KCNB2: variants seen among roughly 807,000 people sequenced by gnomAD.
The protein encoded by KCNB2 is delayed rectifier potassium channel protein.
KCNB2 carries 15 observed loss-of-function variants against 61.5 expected under a neutral mutation model. The observed-to-expected ratio is 0.24, with a 90% confidence interval of 0.16 to 0.38. The LOEUF is 0.38. Ranked by LOEUF, KCNB2 falls within the 10% of genes least tolerant of loss-of-function variation. The pLI is 1.00. For synonymous variants in KCNB2, 457 were observed against 446.0 expected (o/e 1.02, Z -0.31); for missense variants, 828 against 1,125.2 (o/e 0.74, Z 3.78).
chr8:72,739,921 C>T (rs952246289), intron 2 of KCNB2, among the ~76,000 whole-genome samples: 8 of 152,192 alleles, frequency 5.3e-5, no homozygotes, highest in African/African-American at 1.7e-4. Flanking sequence ...CAATACTGTA[C>T]ACAAAACAGA....
chr8:72,714,127 A>G (rs1807378007), intron 2 of KCNB2, among the ~76,000 whole-genome samples: 1 of 152,218 alleles, frequency 6.6e-6, no homozygotes, highest in South Asian at 2.1e-4. Context: ...ATGAAAAGGA[A>G]CAAACAAAGC....
intron 2 of KCNB2, among the ~76,000 whole-genome samples, chr8:72,870,941 C>T (rs1190619848): frequency 6.6e-6 from 1 of 152,174 alleles, no homozygotes; most frequent in Non-Finnish European, 1.5e-5. Context: ...CACGCCACTG[C>T]ACTCCAGCCT....
intron 1 of KCNB2, among the ~76,000 whole-genome samples, chr8:72,562,858 G>A (rs966445726): frequency 3.9e-5 from 6 of 151,942 alleles, no homozygotes; most frequent in Non-Finnish European, 8.8e-5. Context: ...CTTTAATTAC[G>A]GAAATTAAAA....
intron 2 of KCNB2, among the ~76,000 whole-genome samples, chr8:72,795,227 G>A (rs16938371): frequency 0.13 from 19,674 of 152,146 alleles, 1,578 homozygotes; most frequent in East Asian, 0.4. Flanking sequence ...TAGACAAATA[G>A]TGACTCAATA....
intron 2 of KCNB2, among the ~76,000 whole-genome samples, chr8:72,929,781 A>T (rs1806738266): frequency 1.3e-5 from 2 of 152,140 alleles, no homozygotes; most frequent in African/African-American, 4.8e-5. Flanking sequence ...CCGTATACAC[A>T]CATAATTGTT....
intron 2 of KCNB2, among the ~76,000 whole-genome samples, chr8:72,882,908 A>G (rs1805741230): frequency 6.6e-6 from 1 of 152,216 alleles, no homozygotes; most frequent in Non-Finnish European, 1.5e-5. Context: ...ATCTGATGAC[A>G]CAGCCTCATT....
At chr8:72,628,045 C>A (rs1805818651) in intron 2 of KCNB2, among the ~76,000 whole-genome samples, 1 of 152,090 alleles carries the variant, frequency 6.6e-6, no homozygotes, top group African/African-American at 2.4e-5. Context: ...CCTCCACCTC[C>A]CAGGTTCAAA....
At chr8:72,684,738 T>C (rs1191244155) in intron 2 of KCNB2, among the ~76,000 whole-genome samples, 1 of 152,174 alleles carries the variant, frequency 6.6e-6, no homozygotes, top group African/African-American at 2.4e-5. Context: ...AGACTATCAC[T>C]AGGAGGCTTA....
rs1810264452 is a variant in KCNB2 at position 72,859,706 on chromosome 8, C to CTTTTTTTTTTTTTTT, written c.580-76229_580-76228insTTTTTTTTTTTTTTT. ...TGTAGCATGGATCAGTACTTCATTT[C>CTTTTTTTTTTTTTTT]GTTTTTTTTTTTTTTTTTTTTTTTT... On this transcript the variant is annotated intron_variant, in intron 2 of 2. Transcript: ENST00000523207. Among the ~76,000 whole-genome samples the CTTTTTTTTTTTTTTT allele has an allele frequency of 2.7e-5, 2 of 73,442 alleles. 1 individual carries two copies. The allele number at this position is 73,442 out of a possible 152,430, so 48.2% of individuals were successfully genotyped here.
At chr8:72,681,593 A>C (rs1288875097) in intron 2 of KCNB2, among the ~76,000 whole-genome samples, 1 of 152,182 alleles carries the variant, frequency 6.6e-6, no homozygotes, top group African/African-American at 2.4e-5. Context: ...AAATAAGTAG[A>C]TGTACCCTCT....
intron 2 of KCNB2, among the ~76,000 whole-genome samples, chr8:72,677,395 A>T (rs551407999): frequency 6.6e-6 from 1 of 152,290 alleles, no homozygotes; most frequent in East Asian, 1.9e-4. Flanking sequence ...TCCTCAGGAC[A>T]ATTTCCCCTC....
intron 2 of KCNB2, among the ~76,000 whole-genome samples, chr8:72,810,254 A>G (rs926594017): frequency 9.2e-5 from 14 of 152,232 alleles, no homozygotes; most frequent in African/African-American, 2.9e-4. Context: ...GAAAGGCTGC[A>G]AGGTTAGGAG....
chr8:72,829,370 T>C (rs1389438724), intron 2 of KCNB2, among the ~76,000 whole-genome samples: 4 of 152,180 alleles, frequency 2.6e-5, no homozygotes, highest in East Asian at 1.9e-4. Context: ...CTGGACCCAA[T>C]TGAAATCTTC....
chr8:72,550,593 G>A (rs1806332339), intron 1 of KCNB2, among the ~76,000 whole-genome samples: 2 of 152,190 alleles, frequency 1.3e-5, no homozygotes, highest in Non-Finnish European at 2.9e-5. Context: ...GAGACATTAT[G>A]CTGTCATTAT....
intron 2 of KCNB2, among the ~76,000 whole-genome samples, chr8:72,609,697 A>G (rs980173342): frequency 6.6e-6 from 1 of 152,234 alleles, no homozygotes; most frequent in Non-Finnish European, 1.5e-5. Flanking sequence ...TATAATGTCA[A>G]TTAGGATCAA....
At chr8:72,930,836 C>T (rs1806766716) in intron 2 of KCNB2, among the ~76,000 whole-genome samples, 1 of 152,074 alleles carries the variant, frequency 6.6e-6, no homozygotes, top group African/African-American at 2.4e-5. Context: ...TTTTTGTTGC[C>T]ATTGCTTTTG....
rs57112081 is a variant in KCNB2, at chr8:72,923,650, A to C, written c.580-12285A>C. Reference sequence around the variant, plus strand: ...GTCCATTCAATTGGTTGGGGGGCTTAGAATTTTATTTTTGGTTTACAGACT... The same window carrying C: ...GTCCATTCAATTGGTTGGGGGGCTTCGAATTTTATTTTTGGTTTACAGACT... On this transcript the variant is annotated intron_variant, in intron 2 of 2. Coordinates refer to ENST00000523207, the MANE Select transcript of KCNB2 (RefSeq NM_004770.3). 8.5e-3 allele frequency among the ~76,000 whole-genome samples: 1,297 copies of C among 152,264 alleles called. 17 individuals are homozygous for C. The highest frequency in any genetic ancestry group is 0.028 in the African/African-American group (1,177 of 41,552).
chr8:72,687,133 A>G (rs886413579), intron 2 of KCNB2, among the ~76,000 whole-genome samples: 13 of 152,226 alleles, frequency 8.5e-5, no homozygotes, highest in African/African-American at 2.9e-4. Context: ...ATGAATTAAT[A>G]TGATTCAATT....
intron 2 of KCNB2, among the ~76,000 whole-genome samples, chr8:72,796,659 A>T (rs1809034564): frequency 6.6e-6 from 1 of 152,198 alleles, no homozygotes; most frequent in Non-Finnish European, 1.5e-5. Context: ...GAGTTACTCT[A>T]ACTTACTAAA....
Sources: gnomAD v4.1 joint callset for allele counts (sites outside exome capture counted in the v4.1 genomes callset) on GRCh38, gnomAD v4.1.1 for gene constraint, MANE v1.5 for transcripts, NCBI Gene and HGNC (gene_info 2026-07-23, HGNC 2026-07-21) for gene names.